The following RHOBTB3 variants were observed in gnomAD, a reference collection of about 807,000 sequenced individuals.
The protein encoded by RHOBTB3 is Rho related BTB domain containing 3.
Under a neutral mutation model 67.2 loss-of-function variants are expected in RHOBTB3, and 47 were observed. That is an observed-to-expected ratio of 0.70 (90% CI 0.55 to 0.89). The LOEUF (loss-of-function observed/expected upper bound fraction) is 0.89, where lower values mean the gene tolerates loss of function less well. RHOBTB3 is among the 40% of genes least tolerant of loss of function. RHOBTB3 has a pLI of 0.00. For missense variants in RHOBTB3, 631 were observed against 750.0 expected (o/e 0.84, Z 1.85); for synonymous variants, 273 against 274.2 (o/e 1.00, Z 0.04).
intron 1 of RHOBTB3, among the ~76,000 whole-genome samples, chr5:95,723,077 T>C (rs1176508058): frequency 6.6e-6 from 1 of 152,072 alleles, no homozygotes; most frequent in Non-Finnish European, 1.5e-5. Flanking sequence ...GGATTTCACA[T>C]GTACATAACA....
intron 8 of RHOBTB3, among the ~76,000 whole-genome samples, chr5:95,778,116 C>CT (rs1017551295): frequency 2.7e-5 from 4 of 148,742 alleles, no homozygotes; most frequent in Non-Finnish European, 4.4e-5. Flanking sequence ...AAGACTCTAT[C>CT]TCAAAAAAAA....
rs1477474480 is a variant in RHOBTB3 at position 95,732,038 on chromosome 5, G to T, written c.182G>T (p.Ser61Ile). 6.2e-7 allele frequency: 1 copy of T among 1,614,214 alleles called. No individual in the cohort carries two copies. Among genetic ancestry groups the T allele is most frequent in the Non-Finnish European group, 8.5e-7 (1 of 1,180,038 alleles). ...ARPVFTEYQA[S>I]AFGNVKLVVH... is the part of the protein sequence containing the mutation. ...CCGGTGTTCACCGAGTATCAGGCCA[G>T]TGCGTTTGGGAATGTCAAGCTGGTG... Residue 61 changes from serine (S) to isoleucine (I), a missense_variant, in exon 2 of 12, where the codon AGT becomes ATT. Coordinates refer to ENST00000379982, the MANE Select transcript of RHOBTB3 (RefSeq NM_014899.4).
At position 95,795,390 on chromosome 5, in the gene RHOBTB3, G is replaced by A. The variant is rs758923000; in HGVS notation, c.*2216G>A. On this transcript the variant is annotated 3_prime_UTR_variant, in exon 12 of 12. Coordinates refer to ENST00000379982, the MANE Select transcript of RHOBTB3 (RefSeq NM_014899.4). The stretch of plus-strand genomic sequence containing the variant: ...CCTTTTGTTTTTCATGAGCATATTC[G>A]CACCCCTATATGAATTACAGCATTT... The A allele has an allele frequency of 7.2e-5, 11 of 151,964 alleles. No individual in the cohort carries two copies. The highest frequency in any genetic ancestry group is 2.1e-4 in the South Asian group (1 of 4,826). The allele number at this position is 151,964 out of a possible 1,614,324, so 9.4% of individuals were successfully genotyped here.
Position 95,768,105 on chromosome 5 carries a change from C to T in RHOBTB3, c.1221C>T (p.Asn407=), listed in dbSNP as rs1484190788. Residue 407 remains asparagine, a synonymous_variant, in exon 8 of 12, where the codon AAC becomes AAT. Coordinates refer to ENST00000379982, the MANE Select transcript of RHOBTB3 (RefSeq NM_014899.4). The part of the protein sequence containing the change: ...YQARKPLWFY[N]TSLKFFLNKP... ...CCAGAAAACCTTTGTGGTTTTATAA[C>T]ACTTCCCTCAAGTTTTTCCTTAATA... The T allele has an allele frequency of 6.2e-7, 1 of 1,612,832 alleles. No individual in the cohort carries two copies. Among genetic ancestry groups the T allele is most frequent in the East Asian group, 2.2e-5 (1 of 44,854 alleles).
chr5:95,733,337 G>T (rs1371133742), intron 2 of RHOBTB3, among the ~76,000 whole-genome samples: 1 of 152,106 alleles, frequency 6.6e-6, no homozygotes, highest in Admixed American at 6.5e-5. Flanking sequence ...GGGATCTTTC[G>T]TTGTGAAAGA....
chr5:95,730,894 G>A (rs1561436064), upstream of RHOBTB3: 1 of 456,114 alleles, frequency 2.2e-6, no homozygotes, highest in East Asian at 7.0e-5. Context: ...AGCGGCAGAC[G>A]TGGTAAAGCA....
At chr5:95,769,068 T>G (rs1745631302) in intron 8 of RHOBTB3, 1 of 361,044 alleles carries the variant, frequency 2.8e-6, no homozygotes, top group South Asian at 2.8e-5. Context: ...CTTGGGCTTA[T>G]GCCAAACATG....
intron 5 of RHOBTB3, 116 bp from the exon 6 acceptor site, chr5:95,755,280 G>T: frequency 1.3e-6 from 1 of 773,608 alleles, no homozygotes; most frequent in Non-Finnish European, 1.8e-6. Flanking sequence ...TGTTTCTTAT[G>T]CTTTAACCTA....
rs1322520908 is a variant in RHOBTB3, at chr5:95,795,763, C to T, written c.*2589C>T. ...AACTCAATTTAATATAACAAGAAAT[C>T]GTAAAATACTTATAACCTATCTTAG... On this transcript the variant is annotated 3_prime_UTR_variant, in exon 12 of 12. Transcript: ENST00000379982. 1.3e-5 allele frequency: 2 copies of T among 152,200 alleles called. No individual in the cohort carries two copies. Among genetic ancestry groups the T allele is most frequent in the African/African-American group, 2.4e-5 (1 of 41,444 alleles). 9.4% of individuals were successfully genotyped at this position (152,200 alleles called of 1,614,324 possible). A position where few individuals can be genotyped will look rare whatever the true frequency, so the allele number is the denominator to read the frequency against.
Position 95,731,564 on chromosome 5 carries a change from G to T in RHOBTB3, c.-119G>T. 4.7e-6 allele frequency: 7 copies of T among 1,489,986 alleles called. 1 individual carries two copies. In the South Asian group the frequency reaches 9.2e-5, roughly 20 times the overall value. The allele number at this position is 1,489,986 out of a possible 1,614,324, so 92.3% of individuals were successfully genotyped here. ...GTCGGCCCCGCCGCGGTGGAGGCGC[G>T]CGAGGGGGACGCGGCCGGGGATGAG... On this transcript the variant is annotated 5_prime_UTR_variant, in exon 1 of 12. Coordinates refer to ENST00000379982, the MANE Select transcript of RHOBTB3 (RefSeq NM_014899.4).
intron 7 of RHOBTB3, among the ~76,000 whole-genome samples, chr5:95,767,362 G>A (rs1372558707): frequency 6.6e-6 from 1 of 151,590 alleles, no homozygotes; most frequent in Non-Finnish European, 1.5e-5. Flanking sequence ...TTTGGAGACA[G>A]GGTTTCACTC....
chr5:95,732,560 CAG>C, intron 2 of RHOBTB3: 1 of 196,882 alleles, frequency 5.1e-6, no homozygotes, highest in Non-Finnish European at 1.0e-5. Flanking sequence ...GAGGAAAAGA[CAG>C]GGACTGGGAG....
Position 95,748,397 on chromosome 5 carries a change from A to C in RHOBTB3, c.480A>C (p.Glu160Asp). Reference protein sequence around the residue: ...SDRGSCVSTTEGIQLAKELGA... With the variant: ...SDRGSCVSTTDGIQLAKELGA... ...GAGGGAGCTGTGTTAGTACAACTGA[A>C]GGGATCCAACTTGCAAAAGAACTAG... Residue 160 changes from glutamate (E) to aspartate (D), a missense_variant, in exon 4 of 12, where the codon GAA (glutamate) becomes GAC (aspartate). Coordinates refer to ENST00000379982, the MANE Select transcript of RHOBTB3 (RefSeq NM_014899.4). 6.2e-7 allele frequency: 1 copy of C among 1,613,502 alleles called. No individual in the cohort carries two copies.
At chr5:95,765,979 T>A (rs1580416088) in intron 7 of RHOBTB3, among the ~76,000 whole-genome samples, 1 of 152,272 alleles carries the variant, frequency 6.6e-6, no homozygotes, top group African/African-American at 2.4e-5. Flanking sequence ...GCTTTTTGAC[T>A]GCTACTCTCG....
chr5:95,777,421 C>G (rs1263309510), intron 8 of RHOBTB3, among the ~76,000 whole-genome samples: 1 of 152,182 alleles, frequency 6.6e-6, no homozygotes, highest in Non-Finnish European at 1.5e-5. Flanking sequence ...TTTTGTTTCA[C>G]TCTTGTAGTT....
At chr5:95,740,552 A>G (rs933270362) in intron 3 of RHOBTB3, among the ~76,000 whole-genome samples, 9 of 152,244 alleles carry the variant, frequency 5.9e-5, no homozygotes, top group African/African-American at 1.4e-4. Context: ...TTACAAAAGA[A>G]TATGACCATG....
rs1279080556 is a variant in RHOBTB3, at chr5:95,795,442, C to G, written c.*2268C>G. 1.3e-5 allele frequency: 2 copies of G among 152,064 alleles called. No homozygotes were observed. Among genetic ancestry groups the G allele is most frequent in the Non-Finnish European group, 2.9e-5 (2 of 68,016 alleles). The allele number at this position is 152,064 out of a possible 1,614,324, so 9.4% of individuals were successfully genotyped here. A position where few individuals can be genotyped will look rare whatever the true frequency, so the allele number is the denominator to read the frequency against. On this transcript the variant is annotated 3_prime_UTR_variant, in exon 12 of 12. Coordinates refer to ENST00000379982, the MANE Select transcript of RHOBTB3 (RefSeq NM_014899.4). ...AAGTTCAAAATCAGTAACTTTTAAT[C>G]TAGGAAATTGAAAAATATTAAGTTG... is the stretch of plus-strand genomic sequence containing the variant.
At chr5:95,741,242 G>A (rs546437132) in intron 3 of RHOBTB3, among the ~76,000 whole-genome samples, 2 of 151,330 alleles carry the variant, frequency 1.3e-5, no homozygotes, top group Non-Finnish European at 2.9e-5. Flanking sequence ...GCAGGAGAAT[G>A]GCACGAACCC....
At chr5:95,739,307 TC>T (rs1755538300) in intron 3 of RHOBTB3, among the ~76,000 whole-genome samples, 1 of 152,180 alleles carries the variant, frequency 6.6e-6, no homozygotes, top group South Asian at 2.1e-4. Flanking sequence ...TCTCTTCATC[TC>T]CATTGGATTT....
Sources: allele counts gnomAD v4.1 joint callset (sites outside exome capture counted in the v4.1 genomes callset), GRCh38; gene constraint gnomAD v4.1.1; transcripts MANE v1.5; gene names NCBI Gene and HGNC (gene_info 2026-07-23, HGNC 2026-07-21).